The following P3H3 variants were observed in gnomAD, a reference collection of about 807,000 sequenced individuals.
P3H3 encodes the protein prolyl 3-hydroxylase 3.
A neutral mutation model predicts 78.1 loss-of-function variants in P3H3; 64 were observed. That is an observed-to-expected ratio of 0.82 (90% CI 0.67 to 1.01). The LOEUF (loss-of-function observed/expected upper bound fraction) is 1.01, where lower values mean the gene tolerates loss of function less well. Ranked by LOEUF, P3H3 falls within the 50% of genes least tolerant of loss-of-function variation. The pLI is 0.00. For missense variants in P3H3, 975 were observed against 982.2 expected (o/e 0.99, Z 0.10); for synonymous variants, 425 against 416.7 (o/e 1.02, Z -0.24).
chr12:6,839,717 C>G lies in P3H3; in HGVS notation c.*256C>G. ...CCTGCAGCCCTGGACAGATGGGGAACACTGTGCCTCCCTGAACAGAAATGG... is the reference window on the plus strand; with the variant it reads ...CCTGCAGCCCTGGACAGATGGGGAAGACTGTGCCTCCCTGAACAGAAATGG... On this transcript the variant is annotated 3_prime_UTR_variant, in exon 15 of 15. Coordinates refer to ENST00000290510, the MANE Select transcript of P3H3 (RefSeq NM_014262.5). 1 of 500,722 alleles carries G rather than the reference C, an allele frequency of 2.0e-6. No individual in the cohort carries two copies. The highest frequency in any genetic ancestry group is 3.6e-6 in the Non-Finnish European group (1 of 278,894). The allele number at this position is 500,722 out of a possible 1,614,324, so 31.0% of individuals were successfully genotyped here.
chr12:6,833,090 G>T (rs1339185571), intron 6 of P3H3, among the ~76,000 whole-genome samples: 16 of 151,970 alleles, frequency 1.1e-4, no homozygotes, highest in Non-Finnish European at 1.9e-4. Context: ...CAGGAGAATC[G>T]CTTGAACCCA....
At chr12:6,836,245 A>AAG (rs1441347631) in intron 9 of P3H3, among the ~76,000 whole-genome samples, 6 of 151,160 alleles carry the variant, frequency 4.0e-5, no homozygotes, top group African/African-American at 1.5e-4. Context: ...GAAAAAAAAA[A>AAG]AAAACCCCAG....
chr12:6,836,929 C>A (rs1943503354), intron 9 of P3H3, 56 bp from the exon 10 acceptor site: 2 of 1,355,002 alleles, frequency 1.5e-6, no homozygotes, highest in Non-Finnish European at 2.1e-6. Context: ...TCTTGCAGCC[C>A]TGCAGACAGT....
At chr12:6,830,833 A>T (rs1555121301) in intron 4 of P3H3, 63 bp downstream of exon 4, 1 of 1,594,708 alleles carries the variant, frequency 6.3e-7, no homozygotes, top group East Asian at 2.2e-5. Flanking sequence ...CCTGAGCTCC[A>T]TCTCTCTATC....
rs782230679 is a variant in P3H3 at position 6,839,069 on chromosome 12, TGGGCCGTGACTCG to T, written c.1979_1991del (p.Ala660AspfsTer22). ...CGGTGTCGAGAATCCCCATGGGGTG[TGGGCCGTGACTCG>T]GGGACGGCGCTGTGCCCTGGCACTG... is the stretch of plus-strand genomic sequence containing the variant. On this transcript the variant is annotated frameshift_variant, in exon 14 of 15. Coordinates refer to ENST00000290510, the MANE Select transcript of P3H3 (RefSeq NM_014262.5). LOFTEE classifies it high-confidence loss of function. The T allele has an allele frequency of 6.2e-6, 10 of 1,611,948 alleles. No homozygotes were observed. In the Admixed American group the frequency reaches 1.7e-4, roughly 27 times the overall value.
chr12:6,838,174 C>T (rs967516546), intron 13 of P3H3, 141 bp downstream of exon 13: 37 of 1,105,356 alleles, frequency 3.3e-5, no homozygotes, highest in East Asian at 1.8e-4. Context: ...GCAGCCCTCC[C>T]GCTGCTTCCT....
chr12:6,837,595 G>T, intron 11 of P3H3, 22 bp downstream of exon 11: 1 of 1,608,858 alleles, frequency 6.2e-7, no homozygotes, highest in Non-Finnish European at 8.5e-7. Context: ...ACCCCCCACT[G>T]CTCTTCTCCA....
At position 6,831,064 on chromosome 12, in the gene P3H3, G is replaced by C. The variant is rs1555121348; in HGVS notation, c.986-152G>C. 2 of 1,021,476 alleles carry C rather than the reference G, an allele frequency of 2.0e-6. No homozygotes were observed. Among genetic ancestry groups the C allele is most frequent in the African/African-American group, 3.2e-5 (2 of 63,384 alleles). 63.3% of individuals were successfully genotyped at this position (1,021,476 alleles called of 1,614,324 possible). A position where few individuals can be genotyped will look rare whatever the true frequency, so the allele number is the denominator to read the frequency against. On this transcript the variant is annotated intron_variant, in intron 4 of 14. Coordinates refer to ENST00000290510, the MANE Select transcript of P3H3 (RefSeq NM_014262.5). The surrounding 1 kb of genome is among the most constrained non-coding windows in gnomAD (Gnocchi z 4.6). The stretch of plus-strand genomic sequence containing the variant: ...TTTGCACCAGTGTTTGAAAGAACCG[G>C]CAGCTGAACTTGTCTGCCAGTGGGA...
chr12:6,828,485 T>C lies in P3H3; in HGVS notation c.45T>C (p.Pro15=). The change falls in exon 1 of 15, where the codon CCT becomes CCC. Residue 15 remains proline (P), a synonymous_variant. Coordinates refer to ENST00000290510, the MANE Select transcript of P3H3 (RefSeq NM_014262.5). ...LRPLLLLLLL[P]PPGSPEPPGL... ...CGCTGCTGCTACTGCTGCTGCTGCC[T>C]CCCCCGGGGTCCCCTGAGCCCCCCG... 5 of 1,278,106 alleles carry C rather than the reference T, an allele frequency of 3.9e-6. No homozygotes were observed. The highest frequency in any genetic ancestry group is 1.6e-5 in the African/African-American group (1 of 64,496). The allele number at this position is 1,278,106 out of a possible 1,614,324, so 79.2% of individuals were successfully genotyped here. A position where few individuals can be genotyped will look rare whatever the true frequency, so the allele number is the denominator to read the frequency against.
At position 6,830,410 on chromosome 12, in the gene P3H3, C is replaced by A; in HGVS notation, c.709C>A (p.Pro237Thr). 6.3e-7 allele frequency: 1 copy of A among 1,588,696 alleles called. No individual in the cohort carries two copies. ...GCGCCAGGAGGCAGGACTGGCACTG[C>A]CCAGGCTAGAGGAGGCTCTTCAGGG... ...LGRQEAGLAL[P>T]RLEEALQGSL... The change falls in exon 3 of 15, where the codon CCC (proline) becomes ACC (threonine). Residue 237 changes from proline (P) to threonine (T), a missense_variant. Coordinates refer to ENST00000290510, the MANE Select transcript of P3H3 (RefSeq NM_014262.5).
intron 9 of P3H3, among the ~76,000 whole-genome samples, chr12:6,834,399 T>C (rs1276359650): frequency 6.6e-6 from 1 of 152,168 alleles, no homozygotes; most frequent in African/African-American, 2.4e-5. Context: ...CTTTCCCTCC[T>C]AGTTTAGGTT....
intron 9 of P3H3, among the ~76,000 whole-genome samples, chr12:6,836,409 C>A (rs1463534418): frequency 6.6e-6 from 1 of 152,018 alleles, no homozygotes; most frequent in Non-Finnish European, 1.5e-5. Flanking sequence ...TATTAGGAGA[C>A]CCCCAGGTAG....
In P3H3 at chr12:6,828,621, C is replaced by T. The variant is rs1180541737; in HGVS notation, c.181C>T (p.Arg61Trp). ...GAWAPAVALL[R>W]EALRSQAALG... Reference sequence around the variant, plus strand: ...TTGGGCGCCGGCCGTGGCGCTGCTGCGGGAGGCGCTGCGGAGCCAGGCGGC... The same window carrying T: ...TTGGGCGCCGGCCGTGGCGCTGCTGTGGGAGGCGCTGCGGAGCCAGGCGGC... Residue 61 changes from arginine to tryptophan, a missense_variant, in exon 1 of 15, where the codon CGG becomes TGG. By Grantham distance (101) the Arg-to-Trp change is moderately radical. Transcript: ENST00000290510. 13 of 1,216,110 alleles carry T rather than the reference C, an allele frequency of 1.1e-5. No individual in the cohort carries two copies. The African/African-American group carries it at 2.0e-4, about 19-fold the overall frequency. 75.3% of individuals were successfully genotyped at this position (1,216,110 alleles called of 1,614,324 possible).
chr12:6,829,854 C>A lies in P3H3; in HGVS notation c.499-5C>A. 6.2e-7 allele frequency: 1 copy of A among 1,613,940 alleles called. No individual in the cohort carries two copies. ...TCTGATGCCCTCCTCCCTTCGCCTCCTCAGTTGAAGAAGCTGGATCTGGCA... is the reference window on the plus strand; with the variant it reads ...TCTGATGCCCTCCTCCCTTCGCCTCATCAGTTGAAGAAGCTGGATCTGGCA... On this transcript the variant is annotated splice_region_variant and splice_polypyrimidine_tract_variant and intron_variant, in intron 1 of 14. Transcript: ENST00000290510. The surrounding 1 kb of genome is among the most constrained non-coding windows in gnomAD (Gnocchi z 5.1).
intron 9 of P3H3, chr12:6,835,092 T>C (rs782256841): frequency 6.6e-6 from 1 of 152,334 alleles, no homozygotes; most frequent in South Asian, 2.1e-4. Context: ...CATGGTGCAT[T>C]CTGGGAACTG....
intron 11 of P3H3, 46 bp downstream of exon 11, chr12:6,837,619 C>A (rs1003904844): frequency 1.3e-6 from 2 of 1,595,424 alleles, no homozygotes; most frequent in African/African-American, 1.3e-5. Flanking sequence ...TCAGGCCCTG[C>A]CCCCAGGACA....
Position 6,839,149 on chromosome 12 carries a change from C to A in P3H3, c.2046+9C>A. On this transcript the variant is annotated intron_variant, in intron 14 of 14. Coordinates refer to ENST00000290510, the MANE Select transcript of P3H3 (RefSeq NM_014262.5). ...CTGAGCACAGGGAGCAGGTAAGGAG[C>A]GGGGTAGGAAGGGATGTGGTTCTCC... is the stretch of plus-strand genomic sequence containing the variant. The A allele has an allele frequency of 6.3e-7, 1 of 1,592,912 alleles. No homozygotes were observed. Among genetic ancestry groups the A allele is most frequent in the South Asian group, 1.1e-5 (1 of 89,210 alleles).
At chr12:6,830,292 T>G (rs1943433995) in intron 2 of P3H3, 61 bp from the exon 3 acceptor site, 12 of 1,503,360 alleles carry the variant, frequency 8.0e-6, no homozygotes, top group Non-Finnish European at 8.1e-6. Context: ...CCCTCTCCTC[T>G]CTACCTCCCA....
At chr12:6,835,231 G>C (rs1943484911) in intron 9 of P3H3, among the ~76,000 whole-genome samples, 1 of 152,132 alleles carries the variant, frequency 6.6e-6, no homozygotes, top group African/African-American at 2.4e-5. Context: ...TAGTGTTTTT[G>C]TCATAGTGTC....
Sources: gnomAD v4.1 joint callset for allele counts (sites outside exome capture counted in the v4.1 genomes callset) on GRCh38, gnomAD v4.1.1 for gene constraint, Gnocchi (gnomAD v3.1) non-coding constraint, MANE v1.5 for transcripts, NCBI Gene and HGNC (gene_info 2026-07-23, HGNC 2026-07-21) for gene names.